Variants in SLFN12 observed in about 807,000 individuals in gnomAD.
SLFN12 encodes the protein schlafen family member 12, also known as ribonuclease SLFN12.
Under a neutral mutation model 29.1 loss-of-function variants are expected in SLFN12, and 25 were observed. The ratio of observed to expected loss-of-function variants is 0.86; its 90% CI spans 0.63 to 1.20. SLFN12 has a LOEUF of 1.20. Among genes scored for constraint, SLFN12 ranks in the 50% most tolerant of loss-of-function variants. SLFN12 has a pLI of 0.00. For synonymous variants in SLFN12, 257 were observed against 238.7 expected (o/e 1.08, Z -0.71); for missense variants, 660 against 666.2 (o/e 0.99, Z 0.10).
At position 35,423,047 on chromosome 17, in the gene SLFN12, G is replaced by T; in HGVS notation, c.-19C>A. ...TGTTCATTTTCCCAGCAGCTATGCAGTGTCCAAGCAGAAATTCTTTTCTGT... is the reference window on the plus strand; with the variant it reads ...TGTTCATTTTCCCAGCAGCTATGCATTGTCCAAGCAGAAATTCTTTTCTGT... On this transcript the variant is annotated 5_prime_UTR_variant, in exon 2 of 4. In the 5' UTR this introduces an upstream ATG that the reference lacks. Transcript: ENST00000304905. 6.3e-7 allele frequency: 1 copy of T among 1,583,774 alleles called. No homozygotes were observed. Among genetic ancestry groups the T allele is most frequent in the Non-Finnish European group, 8.6e-7 (1 of 1,166,328 alleles).
rs186154644 is a variant in SLFN12, at chr17:35,427,718, T to G, written c.-41+4470A>C. On this transcript the variant is annotated intron_variant, in intron 1 of 3. Coordinates refer to ENST00000304905, the MANE Select transcript of SLFN12 (RefSeq NM_018042.5). ...ATTAACTGCATAATTTCATACATGG[T>G]ATTAATGTACCATTATTTAACTATT... Among the ~76,000 whole-genome samples, 3 of 152,324 alleles carry G rather than the reference T, an allele frequency of 2.0e-5. No homozygotes were observed. The East Asian group carries it at 5.8e-4, about 29-fold the overall frequency.
Position 35,422,013 on chromosome 17 carries a change from T to C in SLFN12, c.1016A>G (p.Gln339Arg). Residue 339 changes from glutamine to arginine, a missense_variant, in exon 2 of 4, where the codon CAG (glutamine) becomes CGG (arginine). By Grantham distance (43) the Gln-to-Arg change is conservative. Transcript: ENST00000304905. The part of the protein sequence containing the change: ...VMQLTRKEWI[Q>R]FMVEAEPKFS... ...ACTTGGTTCAGCCTCCACCATGAAC[T>C]GGATCCATTCCTTCCTGGTCAACTG... 1 of 1,613,972 alleles carries C rather than the reference T, an allele frequency of 6.2e-7. No individual in the cohort carries two copies. Among genetic ancestry groups the C allele is most frequent in the South Asian group, 1.1e-5 (1 of 91,078 alleles).
chr17:35,422,146 T>G lies in SLFN12; in HGVS notation c.883A>C (p.Lys295Gln). Residue 295 changes from lysine to glutamine, a missense_variant, in exon 2 of 4, where the codon AAA becomes CAA. By Grantham distance (53) the Lys-to-Gln change is moderately conservative. Transcript: ENST00000304905. The stretch of plus-strand genomic sequence containing the variant: ...CAGACATATCCACAAAGACTTCCTT[T>G]ATCATATACTCCAAGGAATTTGCAT... ...YSCKFLGVYD[K>Q]GSLCGYVCAL... The G allele has an allele frequency of 6.2e-7, 1 of 1,614,142 alleles. No homozygotes were observed. Among genetic ancestry groups the G allele is most frequent in the Non-Finnish European group, 8.5e-7 (1 of 1,180,000 alleles).
chr17:35,412,819 T>A (rs66512464), intron 3 of SLFN12, among the ~76,000 whole-genome samples: 14,180 of 151,924 alleles, frequency 0.093, 2,092 homozygotes, highest in African/African-American at 0.31. Context: ...GGACTTTAAC[T>A]GTAATATATT....
At chr17:35,412,427 T>C (rs16970941) in intron 3 of SLFN12, among the ~76,000 whole-genome samples, 15,926 of 152,076 alleles carry the variant, frequency 0.1, 987 homozygotes, top group South Asian at 0.28. Context: ...TTCTTCAGCC[T>C]CATGGTGCTC....
chr17:35,419,104 G>A (rs910102049), intron 3 of SLFN12, among the ~76,000 whole-genome samples: 8 of 152,020 alleles, frequency 5.3e-5, no homozygotes, highest in African/African-American at 1.9e-4. Context: ...CAAGTGATCC[G>A]CCCACCTCTG....
intron 1 of SLFN12, among the ~76,000 whole-genome samples, chr17:35,424,706 TCA>T (rs772002153): frequency 6.6e-6 from 1 of 152,172 alleles, no homozygotes; most frequent in Non-Finnish European, 1.5e-5. Flanking sequence ...AAATTCCTGA[TCA>T]CATGTAAACA....
chr17:35,411,320 A>T lies in SLFN12; in HGVS notation c.*18T>A. On this transcript the variant is annotated 3_prime_UTR_variant, in exon 4 of 4. Transcript: ENST00000304905. The stretch of plus-strand genomic sequence containing the variant: ...AATATATAATGAAAAATATCTCAGT[A>T]GCCCAGTCCATTTTCCATCAGGTGA... The T allele has an allele frequency of 1.4e-6, 2 of 1,419,948 alleles. No individual in the cohort carries two copies. Among genetic ancestry groups the T allele is most frequent in the Non-Finnish European group, 1.9e-6 (2 of 1,050,626 alleles). 88.0% of individuals were successfully genotyped at this position (1,419,948 alleles called of 1,614,324 possible). A position where few individuals can be genotyped will look rare whatever the true frequency, so the allele number is the denominator to read the frequency against.
intron 2 of SLFN12, among the ~76,000 whole-genome samples, chr17:35,421,717 T>G (rs1284561890): frequency 6.6e-6 from 1 of 151,822 alleles, no homozygotes. Context: ...TTTTTTGTAT[T>G]TTTAGTAGAG....
chr17:35,421,319 A>C (rs1911633511), intron 2 of SLFN12, among the ~76,000 whole-genome samples: 1 of 151,668 alleles, frequency 6.6e-6, no homozygotes, highest in African/African-American at 2.4e-5. Context: ...TCCTGAAAGA[A>C]AGCAATGGTT....
chr17:35,422,939 T>C lies in SLFN12; in HGVS notation c.90A>G (p.Lys30=). Residue 30 remains lysine, a synonymous_variant, in exon 2 of 4, where the codon AAA becomes AAG. Coordinates refer to ENST00000304905, the MANE Select transcript of SLFN12 (RefSeq NM_018042.5). ...RVTLGENSRK[K]MKDCKLRKKQ... ...TTTTTCTCAGTTTACAATCCTTCATTTTTTTCCTACTGTTCTCTCCAAGAG... is the reference window on the plus strand; with the variant it reads ...TTTTTCTCAGTTTACAATCCTTCATCTTTTTCCTACTGTTCTCTCCAAGAG... The C allele has an allele frequency of 6.2e-7, 1 of 1,613,910 alleles. No individual in the cohort carries two copies. The highest frequency in any genetic ancestry group is 8.5e-7 in the Non-Finnish European group (1 of 1,179,990).
Position 35,421,981 on chromosome 17 carries a change from G to A in SLFN12, c.1039+9C>T, listed in dbSNP as rs117621072. ...AATGCATTCCTGTTGCGAATCCCCC[G>A]CTCTCAACTTGGTTCAGCCTCCACC... On this transcript the variant is annotated intron_variant, in intron 2 of 3. Transcript: ENST00000304905. 453 of 1,609,136 alleles carry A rather than the reference G, an allele frequency of 2.8e-4. 1 individual carries two copies. The East Asian group carries it at 6.0e-3, about 21-fold the overall frequency.
intron 3 of SLFN12, among the ~76,000 whole-genome samples, chr17:35,418,207 A>T (rs535008612): frequency 8.6e-4 from 131 of 152,296 alleles, no homozygotes; most frequent in Middle Eastern, 6.8e-3. Context: ...TTAGTATAAC[A>T]TTACAGTGGC....
chr17:35,411,621 C>T lies in SLFN12; in HGVS notation c.1454G>A (p.Gly485Asp). 4 of 1,614,032 alleles carry T rather than the reference C, an allele frequency of 2.5e-6. No homozygotes were observed. Among genetic ancestry groups the T allele is most frequent in the Non-Finnish European group, 3.4e-6 (4 of 1,179,994 alleles). The change falls in exon 4 of 4, where the codon GGT becomes GAT. Residue 485 changes from glycine (G) to aspartate (D), a missense_variant. Gly to Asp is a moderately conservative substitution (Grantham distance 94, BLOSUM62 -1). Transcript: ENST00000304905. ...GACACACACTTTTTTAGTGTAACCA[C>T]CAATTTTTGCCAGCTTCTGCTTTAA... ...LTLKQKLAKI[G>D]GYTKKVCVMT...
intron 1 of SLFN12, among the ~76,000 whole-genome samples, chr17:35,427,357 T>C (rs1912073174): frequency 6.6e-6 from 1 of 152,194 alleles, no homozygotes; most frequent in South Asian, 2.1e-4. Context: ...CCTAATCCAC[T>C]ATTTTTCTGA....
chr17:35,425,723 A>G (rs1911971726), intron 1 of SLFN12, among the ~76,000 whole-genome samples: 3 of 151,928 alleles, frequency 2.0e-5, no homozygotes, highest in Non-Finnish European at 4.4e-5. Flanking sequence ...TAATGCTGCA[A>G]TAGACATGAG....
At chr17:35,414,402 AG>A (rs1215030179) in intron 3 of SLFN12, among the ~76,000 whole-genome samples, 3 of 152,112 alleles carry the variant, frequency 2.0e-5, no homozygotes, top group African/African-American at 7.2e-5. Flanking sequence ...AATGTTATCA[AG>A]GAGATGAAAG....
intron 1 of SLFN12, among the ~76,000 whole-genome samples, chr17:35,428,678 G>T (rs1309726816): frequency 2.0e-5 from 3 of 152,068 alleles, no homozygotes. Context: ...AACCTAAGTG[G>T]GGAGGACCTG....
chr17:35,414,666 T>G (rs543574205), intron 3 of SLFN12, among the ~76,000 whole-genome samples: 10 of 152,160 alleles, frequency 6.6e-5, no homozygotes, highest in Admixed American at 3.3e-4. Context: ...TGAATTCCAT[T>G]AAGTTTCAGG....
Sources: allele counts gnomAD v4.1 joint callset (sites outside exome capture counted in the v4.1 genomes callset), GRCh38; gene constraint gnomAD v4.1.1; transcripts MANE v1.5; gene names NCBI Gene and HGNC (gene_info 2026-07-23, HGNC 2026-07-21).